The following CASK variants were observed in gnomAD, a reference collection of about 807,000 sequenced individuals.
CASK encodes the protein peripheral plasma membrane protein CASK.
Under a neutral mutation model 82.9 loss-of-function variants are expected in CASK, and 4 were observed. The observed-to-expected ratio is 0.05, with a 90% confidence interval of 0.02 to 0.11. The LOEUF (loss-of-function observed/expected upper bound fraction) is 0.11. CASK is among the 10% of genes least tolerant of loss of function. The probability of loss-of-function intolerance (pLI) is 1.00; values close to 1 mark genes in which losing one functional copy is unlikely to be tolerated. For synonymous variants in CASK, 259 were observed against 253.5 expected (o/e 1.02, Z -0.20); for missense variants, 358 against 720.9 (o/e 0.50, Z 5.76).
intron 1 of CASK, among the ~76,000 whole-genome samples, chrX:41,885,250 GA>G: frequency 8.9e-6 from 1 of 111,787 alleles, no homozygotes; most frequent in Non-Finnish European, 1.9e-5. Flanking sequence ...AGCTACAATT[GA>G]TATTAACCTG....
chrX:41,690,777 G>A (rs762290735), intron 5 of CASK, among the ~76,000 whole-genome samples: 8 of 107,324 alleles, frequency 7.5e-5, no homozygotes, highest in East Asian at 2.9e-4. Context: ...AGGCTCAAGC[G>A]ATCCTCCCAC....
At chrX:41,702,943 C>G (rs748283699) in intron 5 of CASK, among the ~76,000 whole-genome samples, 2 of 112,029 alleles carry the variant, frequency 1.8e-5, no homozygotes, top group Admixed American at 9.5e-5. Flanking sequence ...AAAATGGAAT[C>G]AAATTAGAGC....
chrX:41,781,686 C>G (rs925457879), intron 3 of CASK, among the ~76,000 whole-genome samples: 1 of 111,373 alleles, frequency 9.0e-6, no homozygotes, highest in Non-Finnish European at 1.9e-5. Flanking sequence ...TCTCACCTAG[C>G]CAGTAGGTGG....
At chrX:41,545,294 T>C (rs938926075) in intron 21 of CASK, among the ~76,000 whole-genome samples, 1 of 112,579 alleles carries the variant, frequency 8.9e-6, no homozygotes. Flanking sequence ...CCCAAAATGC[T>C]GGGATTACAG....
intron 15 of CASK, among the ~76,000 whole-genome samples, chrX:41,576,043 C>T (rs920794078): frequency 1.8e-5 from 2 of 108,793 alleles, no homozygotes; most frequent in African/African-American, 3.4e-5. Context: ...GGCGCGATCT[C>T]GGCTCACTGC....
At chrX:41,830,288 C>T (rs2070767076) in intron 2 of CASK, among the ~76,000 whole-genome samples, 1 of 110,975 alleles carries the variant, frequency 9.0e-6, no homozygotes, top group African/African-American at 3.3e-5. Flanking sequence ...ATATGAGCCA[C>T]TGTGCCCAGC....
intron 16 of CASK, 169 bp from the exon 17 acceptor site, chrX:41,561,813 C>T (rs954435389): frequency 2.3e-6 from 1 of 439,448 alleles, no homozygotes; most frequent in Non-Finnish European, 4.0e-6. Context: ...ATGTAGTAAC[C>T]TCATCAAAAC....
intron 5 of CASK, among the ~76,000 whole-genome samples, chrX:41,682,207 T>G (rs1172438905): frequency 9.1e-6 from 1 of 110,119 alleles, no homozygotes. Flanking sequence ...AAGACATACC[T>G]ATAGATTCTA....
intron 3 of CASK, among the ~76,000 whole-genome samples, chrX:41,769,132 G>A (rs2147789220): frequency 9.3e-6 from 1 of 107,692 alleles, no homozygotes; most frequent in Non-Finnish European, 1.9e-5. Context: ...ACTAGATGAT[G>A]TCTCCCATTG....
chrX:41,696,686 T>C, intron 5 of CASK: 1 of 1,208,100 alleles, frequency 8.3e-7, no homozygotes, highest in Non-Finnish European at 1.1e-6. Flanking sequence ...GTGAACCAAG[T>C]AGGAGTGAAA....
At chrX:41,743,490 G>T (rs2068630873) in intron 4 of CASK, 1 of 284,535 alleles carries the variant, frequency 3.5e-6, no homozygotes, top group African/African-American at 2.8e-5. Flanking sequence ...GAAGCCTAAA[G>T]AACACACATA....
At position 41,578,446 on chromosome X, in the gene CASK, G is replaced by T; in HGVS notation, c.1397C>A (p.Pro466His). 1 of 1,200,991 alleles carries T rather than the reference G, an allele frequency of 8.3e-7. No homozygotes were observed. The highest frequency in any genetic ancestry group is 1.1e-6 in the Non-Finnish European group (1 of 885,798). Residue 466 changes from proline to histidine, a missense_variant, in exon 15 of 27, where the codon CCC becomes CAC. Around this residue, in one of 5 missense-constraint regions of CASK, gnomAD observed 110 missense variants for 218.8 expected, o/e 0.50. Coordinates refer to ENST00000378163, the MANE Select transcript of CASK (RefSeq NM_001367721.1). The part of the protein sequence containing the change: ...ALRVTPPPTS[P>H]YLNGDSPESA... ...TTCTGGAGAATCGCCGTTTAAATAG[G>T]GAGAGGTGGGAGGAGGTGTGACCCT...
chrX:41,762,713 G>C (rs1413014094), intron 3 of CASK, among the ~76,000 whole-genome samples: 3 of 111,182 alleles, frequency 2.7e-5, no homozygotes, highest in African/African-American at 9.8e-5. Context: ...ACTTACCGAT[G>C]GTTTTATTTG....
At chrX:41,898,003 G>A (rs1223546248) in intron 1 of CASK, among the ~76,000 whole-genome samples, 3 of 111,884 alleles carry the variant, frequency 2.7e-5, no homozygotes, top group African/African-American at 9.7e-5. Flanking sequence ...GAGTTTGGAA[G>A]TATTCCCTCT....
chrX:41,694,163 GCTAA>G (rs1430489686), intron 5 of CASK, among the ~76,000 whole-genome samples: 6 of 112,315 alleles, frequency 5.3e-5, no homozygotes, highest in Non-Finnish European at 1.1e-4. Flanking sequence ...GTTTATTAAA[GCTAA>G]CTTTTATTAA....
At position 41,516,188 on chromosome X, in the gene CASK, A is replaced by G. The variant is rs1211484633; in HGVS notation, c.*4232T>C. The G allele has an allele frequency of 8.9e-6, 1 of 112,266 alleles. No homozygotes were observed. Among genetic ancestry groups the G allele is most frequent in the African/African-American group, 3.2e-5 (1 of 30,821 alleles). 9.3% of individuals were successfully genotyped at this position (112,266 alleles called of 1,213,427 possible). On this transcript the variant is annotated 3_prime_UTR_variant, in exon 27 of 27. Coordinates refer to ENST00000378163, the MANE Select transcript of CASK (RefSeq NM_001367721.1). Reference sequence around the variant, plus strand: ...GGCAGGGGAAAGACCGGATGGGAACATGGTGGTGAATATCCTCTTTTTTTC... The same window carrying G: ...GGCAGGGGAAAGACCGGATGGGAACGTGGTGGTGAATATCCTCTTTTTTTC...
intron 15 of CASK, among the ~76,000 whole-genome samples, chrX:41,576,527 T>A (rs539230947): frequency 8.9e-6 from 1 of 111,992 alleles, no homozygotes; most frequent in South Asian, 3.7e-4. Context: ...ACTTGTTTAA[T>A]GTAGCCAGCC....
At chrX:41,887,266 G>A (rs1351677359) in intron 1 of CASK, among the ~76,000 whole-genome samples, 16 of 97,236 alleles carry the variant, frequency 1.6e-4, no homozygotes, top group Non-Finnish European at 2.7e-4. Flanking sequence ...CTTCTAAGAG[G>A]CATTTATCTT....
intron 11 of CASK, among the ~76,000 whole-genome samples, chrX:41,620,347 T>C (rs762522243): frequency 8.9e-6 from 1 of 112,178 alleles, no homozygotes; most frequent in South Asian, 3.7e-4. Context: ...TGTGTGTATT[T>C]CTTAATTTAC....
Sources: allele counts gnomAD v4.1 joint callset (sites outside exome capture counted in the v4.1 genomes callset), GRCh38; gene constraint gnomAD v4.1.1; regional missense constraint gnomAD v4.1.1; transcripts MANE v1.5; gene names NCBI Gene and HGNC (gene_info 2026-07-23, HGNC 2026-07-21).